The following ZRANB3 variants were observed in gnomAD, a reference collection of about 807,000 sequenced individuals.
ZRANB3 encodes zinc finger RANBP2-type containing 3.
A neutral mutation model predicts 133.8 loss-of-function variants in ZRANB3; 125 were observed. The observed-to-expected ratio is 0.93, with a 90% confidence interval of 0.81 to 1.08. The LOEUF is 1.08. Among genes scored for constraint, ZRANB3 ranks in the 50% least tolerant of loss-of-function variants. The probability of loss-of-function intolerance (pLI) is 0.00; values close to 1 mark genes in which losing one functional copy is unlikely to be tolerated. For missense variants in ZRANB3, 1,229 were observed against 1,275.5 expected (o/e 0.96, Z 0.56); for synonymous variants, 387 against 432.7 (o/e 0.89, Z 1.31).
chr2:135,528,801 A>G (rs1350910084), intron 1 of ZRANB3, among the ~76,000 whole-genome samples: 1 of 152,226 alleles, frequency 6.6e-6, no homozygotes, highest in Non-Finnish European at 1.5e-5. Flanking sequence ...ATCTAGCAGG[A>G]TTACACTATA....
At chr2:135,462,977 G>T (rs1690829497) in intron 2 of ZRANB3, among the ~76,000 whole-genome samples, 1 of 152,152 alleles carries the variant, frequency 6.6e-6, no homozygotes, top group African/African-American at 2.4e-5. Context: ...TAATTGAAAT[G>T]TCATGTGAAC....
intron 12 of ZRANB3, among the ~76,000 whole-genome samples, chr2:135,237,929 G>A (rs530021326): frequency 6.6e-6 from 1 of 152,030 alleles, no homozygotes; most frequent in African/African-American, 2.4e-5. Context: ...TACCCTAAAA[G>A]TATAACTAAA....
intron 2 of ZRANB3, among the ~76,000 whole-genome samples, chr2:135,502,100 A>C (rs1238933161): frequency 6.6e-6 from 1 of 152,182 alleles, no homozygotes; most frequent in Non-Finnish European, 1.5e-5. Context: ...TATATCCTTA[A>C]ATTATTTTTA....
rs183398272 is a variant in ZRANB3 at position 135,388,531 on chromosome 2, T to G, written c.180+2271A>C. On this transcript the variant is annotated intron_variant, in intron 3 of 20. Transcript: ENST00000264159. ...CATAAAGGATGCTGTTTGTTACCTT[T>G]TATAATATATTTTCTGTGGACCTCA... is the stretch of plus-strand genomic sequence containing the variant. 2.1e-3 allele frequency among the ~76,000 whole-genome samples: 322 copies of G among 152,338 alleles called. 2 individuals carry two copies. The highest frequency in any genetic ancestry group is 3.5e-3 in the Non-Finnish European group (239 of 68,030).
chr2:135,235,326 A>G (rs1695237081), intron 12 of ZRANB3, among the ~76,000 whole-genome samples: 1 of 152,246 alleles, frequency 6.6e-6, no homozygotes, highest in African/African-American at 2.4e-5. Flanking sequence ...GTCCAGGACC[A>G]GATGGATTCA....
intron 2 of ZRANB3, among the ~76,000 whole-genome samples, chr2:135,471,496 G>GT (rs1691267176): frequency 6.6e-6 from 1 of 152,164 alleles, no homozygotes; most frequent in Non-Finnish European, 1.5e-5. Context: ...GTGTTTCAGA[G>GT]TTTTGGGGAG....
At chr2:135,417,655 T>C (rs182117472) in intron 2 of ZRANB3, among the ~76,000 whole-genome samples, 1 of 152,316 alleles carries the variant, frequency 6.6e-6, no homozygotes, top group Admixed American at 6.5e-5. Context: ...TAAAGACACA[T>C]GCACACGTAT....
intron 2 of ZRANB3, among the ~76,000 whole-genome samples, chr2:135,453,082 A>G (rs1013108506): frequency 2.6e-5 from 4 of 152,216 alleles, no homozygotes; most frequent in African/African-American, 9.6e-5. Flanking sequence ...CCCAACCTCA[A>G]TTCTTGATTT....
At chr2:135,399,186 C>A (rs1574038344) in intron 2 of ZRANB3, among the ~76,000 whole-genome samples, 1 of 152,198 alleles carries the variant, frequency 6.6e-6, no homozygotes, top group Non-Finnish European at 1.5e-5. Flanking sequence ...TCTCTTCCCC[C>A]TGTCACCTGG....
chr2:135,430,681 A>G (rs894589703), intron 2 of ZRANB3, among the ~76,000 whole-genome samples: 1 of 152,184 alleles, frequency 6.6e-6, no homozygotes, highest in Non-Finnish European at 1.5e-5. Context: ...CAGAACTGCA[A>G]TAATCTAAAC....
intron 2 of ZRANB3, among the ~76,000 whole-genome samples, chr2:135,496,304 A>C (rs945438642): frequency 2.0e-5 from 3 of 151,204 alleles, no homozygotes; most frequent in African/African-American, 7.3e-5. Flanking sequence ...CAATCGCTTG[A>C]ACACAGGAGG....
intron 8 of ZRANB3, among the ~76,000 whole-genome samples, chr2:135,310,117 A>G (rs920588611): frequency 6.6e-6 from 1 of 152,044 alleles, no homozygotes; most frequent in Non-Finnish European, 1.5e-5. Flanking sequence ...TTGTATTTTT[A>G]GTAGAGATGG....
chr2:135,258,401 G>A (rs530797427), intron 12 of ZRANB3, among the ~76,000 whole-genome samples: 1 of 152,306 alleles, frequency 6.6e-6, no homozygotes, highest in South Asian at 2.1e-4. Flanking sequence ...GGAAGGAGGA[G>A]CCTGCCCTCT....
chr2:135,525,538 A>C (rs1694115381), intron 1 of ZRANB3, among the ~76,000 whole-genome samples: 2 of 152,240 alleles, frequency 1.3e-5, no homozygotes, highest in Non-Finnish European at 2.9e-5. Flanking sequence ...TTCTGGGTAT[A>C]TATCCGAAAG....
intron 2 of ZRANB3, among the ~76,000 whole-genome samples, chr2:135,463,694 G>A (rs888349988): frequency 6.6e-6 from 1 of 152,108 alleles, no homozygotes; most frequent in Non-Finnish European, 1.5e-5. Context: ...TAGGATTACA[G>A]GCATGAACCA....
intron 2 of ZRANB3, among the ~76,000 whole-genome samples, chr2:135,421,278 A>G (rs1253298764): frequency 3.9e-5 from 6 of 152,190 alleles, no homozygotes; most frequent in African/African-American, 1.4e-4. Context: ...TTTGGCAAAT[A>G]CAATGGATTG....
chr2:135,404,336 GAAGA>G (rs1367820283), intron 2 of ZRANB3, among the ~76,000 whole-genome samples: 1 of 152,184 alleles, frequency 6.6e-6, no homozygotes, highest in African/African-American at 2.4e-5. Flanking sequence ...CTATCAACTG[GAAGA>G]AAGGGTATCA....
rs545225707 is a variant in ZRANB3, at chr2:135,347,621, C to T, written c.592-1986G>A. ...TTGGGTATATACCTAAGAATAAAATCGCTGGGTCATACAGTAACATTTTAA... is the reference window on the plus strand; with the variant it reads ...TTGGGTATATACCTAAGAATAAAATTGCTGGGTCATACAGTAACATTTTAA... On this transcript the variant is annotated intron_variant, in intron 5 of 20. Transcript: ENST00000264159. Among the ~76,000 whole-genome samples, 38 of 152,226 alleles carry T rather than the reference C, an allele frequency of 2.5e-4. No homozygotes were observed. In the East Asian group the frequency reaches 6.0e-3, roughly 24 times the overall value.
intron 2 of ZRANB3, among the ~76,000 whole-genome samples, chr2:135,457,323 A>G (rs1690568893): frequency 6.6e-6 from 1 of 152,208 alleles, no homozygotes. Flanking sequence ...TACATCTACA[A>G]GTGGAAGGGC....
Sources: allele counts gnomAD v4.1 joint callset (sites outside exome capture counted in the v4.1 genomes callset), GRCh38; gene constraint gnomAD v4.1.1; transcripts MANE v1.5; gene names NCBI Gene and HGNC (gene_info 2026-07-23, HGNC 2026-07-21).